PPAT: variants seen among roughly 807,000 people sequenced by gnomAD.
PPAT encodes amidophosphoribosyltransferase.
A neutral mutation model predicts 60.2 loss-of-function variants in PPAT; 20 were observed. That is an observed-to-expected ratio of 0.33 (90% confidence interval 0.23 to 0.48). The LOEUF is 0.48. Among genes scored for constraint, PPAT ranks in the 20% least tolerant of loss-of-function variants. The pLI, the probability that PPAT is intolerant of heterozygous loss-of-function variation, is 0.99. For missense variants in PPAT, 349 were observed against 629.6 expected, an observed-to-expected ratio of 0.55 and a Z score of 4.77; for synonymous variants, 194 against 215.1, an observed-to-expected ratio of 0.90 and a Z score of 0.86.
chr4:56,432,457 C>T (rs1358790138), intron 1 of PPAT, among the ~76,000 whole-genome samples: 3 of 143,420 alleles, frequency 2.1e-5, no homozygotes, highest in Non-Finnish European at 3.0e-5. Context: ...ACTTGGGAAA[C>T]GGAGGTTGCA....
chr4:56,429,537 G>C (rs1265166635), intron 1 of PPAT, among the ~76,000 whole-genome samples: 1 of 152,082 alleles, frequency 6.6e-6, no homozygotes, highest in African/African-American at 2.4e-5. Context: ...ATGCACATAA[G>C]ACTAATAAGA....
At chr4:56,429,836 A>T (rs1424262017) in intron 1 of PPAT, among the ~76,000 whole-genome samples, 1 of 152,190 alleles carries the variant, frequency 6.6e-6, no homozygotes, top group Non-Finnish European at 1.5e-5. Context: ...TTCTATCACC[A>T]TAGATTAGTT....
chr4:56,435,606 C>T lies in PPAT; in HGVS notation c.-129G>A, dbSNP rs1407892937. 2.0e-6 allele frequency: 3 copies of T among 1,523,406 alleles called. No homozygotes were observed. In the African/African-American group the frequency reaches 4.1e-5, roughly 21 times the overall value. The allele number at this position is 1,523,406 out of a possible 1,614,324, so 94.4% of individuals were successfully genotyped here. The stretch of plus-strand genomic sequence containing the variant: ...CAGGCTCTTCCTTCCCGAGGGTGGC[C>T]CCAGCTACTGCGGCGGCGCGCGCTG... On this transcript the variant is annotated 5_prime_UTR_variant, in exon 1 of 11. Coordinates refer to ENST00000264220, the MANE Select transcript of PPAT (RefSeq NM_002703.5).
At chr4:56,417,131 G>A (rs1040278031) in intron 1 of PPAT, among the ~76,000 whole-genome samples, 5 of 152,176 alleles carry the variant, frequency 3.3e-5, no homozygotes, top group Non-Finnish European at 7.3e-5. Flanking sequence ...TTACAGGCGT[G>A]AGCCACTGCA....
intron 8 of PPAT, 127 bp downstream of exon 8, chr4:56,400,657 A>C (rs1217863811): frequency 3.7e-6 from 4 of 1,075,214 alleles, no homozygotes; most frequent in Non-Finnish European, 3.8e-6. Flanking sequence ...GCTTGTAAAC[A>C]AACCAACATT....
intron 5 of PPAT, 74 bp from the exon 6 acceptor site, chr4:56,402,255 C>T (rs1716130619): frequency 7.4e-6 from 8 of 1,080,490 alleles, no homozygotes; most frequent in African/African-American, 1.6e-5. Flanking sequence ...ACAGCTAACA[C>T]TAAATAAATA....
chr4:56,433,972 G>A (rs925359378), intron 1 of PPAT, among the ~76,000 whole-genome samples: 2 of 152,156 alleles, frequency 1.3e-5, no homozygotes, highest in East Asian at 3.9e-4. Context: ...TTACAGGCGT[G>A]AGCCACCGCG....
intron 7 of PPAT, 47 bp downstream of exon 7, chr4:56,401,283 T>C (rs370363236): frequency 1.6e-5 from 24 of 1,495,824 alleles, no homozygotes; most frequent in East Asian, 1.4e-4. Context: ...TTCAAGGAGA[T>C]AGCTAAAACA....
chr4:56,435,566 A>C lies in PPAT; in HGVS notation c.-89T>G. 2 of 1,597,360 alleles carry C rather than the reference A, an allele frequency of 1.3e-6. No homozygotes were observed. The highest frequency in any genetic ancestry group is 1.7e-6 in the Non-Finnish European group (2 of 1,170,542). ...GCCAGCTCGGCCCGTCGAGCTCAGAAGCTCGCGCTCGCGACAGGCTCTTCC... is the reference window on the plus strand; with the variant it reads ...GCCAGCTCGGCCCGTCGAGCTCAGACGCTCGCGCTCGCGACAGGCTCTTCC... On this transcript the variant is annotated 5_prime_UTR_variant, in exon 1 of 11. Transcript: ENST00000264220.
At chr4:56,409,241 G>A (rs1367729430) in intron 1 of PPAT, among the ~76,000 whole-genome samples, 1 of 152,160 alleles carries the variant, frequency 6.6e-6, no homozygotes, top group African/African-American at 2.4e-5. Context: ...CACACAGACA[G>A]CAGGTGGTAG....
intron 1 of PPAT, among the ~76,000 whole-genome samples, chr4:56,434,626 G>C (rs919389270): frequency 1.3e-5 from 2 of 152,170 alleles, no homozygotes; most frequent in African/African-American, 2.4e-5. Flanking sequence ...CCCTTTTGAA[G>C]AAGGGAGTTA....
At chr4:56,433,998 T>G (rs549952238) in intron 1 of PPAT, among the ~76,000 whole-genome samples, 1 of 152,200 alleles carries the variant, frequency 6.6e-6, no homozygotes, top group Non-Finnish European at 1.5e-5. Flanking sequence ...CCATAGTTTC[T>G]AAGAATGTTA....
Position 56,435,579 on chromosome 4 carries a change from G to A in PPAT, c.-102C>T, listed in dbSNP as rs1440834715. Reference sequence around the variant, plus strand: ...GTCGAGCTCAGAAGCTCGCGCTCGCGACAGGCTCTTCCTTCCCGAGGGTGG... The same window carrying A: ...GTCGAGCTCAGAAGCTCGCGCTCGCAACAGGCTCTTCCTTCCCGAGGGTGG... On this transcript the variant is annotated 5_prime_UTR_variant, in exon 1 of 11. Coordinates refer to ENST00000264220, the MANE Select transcript of PPAT (RefSeq NM_002703.5). 1.0e-5 allele frequency: 16 copies of A among 1,581,890 alleles called. No homozygotes were observed. Among genetic ancestry groups the A allele is most frequent in the African/African-American group, 5.4e-5 (4 of 74,318 alleles).
chr4:56,399,477 G>C, intron 8 of PPAT, 77 bp from the exon 9 acceptor site: 5 of 1,073,326 alleles, frequency 4.7e-6, no homozygotes, highest in Non-Finnish European at 6.6e-6. Flanking sequence ...TTGTGTTGCC[G>C]CCACAATATT....
At position 56,399,326 on chromosome 4, in the gene PPAT, C is replaced by G; in HGVS notation, c.1089G>C (p.Arg363Ser). The G allele has an allele frequency of 1.2e-6, 2 of 1,613,938 alleles. No individual in the cohort carries two copies. The highest frequency in any genetic ancestry group is 2.2e-5 in the South Asian group (2 of 91,080). Residue 363 changes from arginine to serine, a missense_variant, in exon 9 of 11, where the codon AGG (arginine) becomes AGC (serine). Physicochemically the swap from Arg to Ser is moderately radical, Grantham distance 110 (BLOSUM62 -1). Around this residue, in one of 5 missense-constraint regions of PPAT, gnomAD observed 167 missense variants for 328.6 expected, o/e 0.51. Transcript: ENST00000264220. ...VGRTFIQPNMRLRQLGVAKKF... is the reference protein window; with the variant it reads ...VGRTFIQPNMSLRQLGVAKKF... ...TTTTTGCAACACCAAGTTGTCTTAA[C>G]CTCATGTTTGGCTGAATGAAGGTTC...
At chr4:56,415,472 C>T (rs1350756509) in intron 1 of PPAT, among the ~76,000 whole-genome samples, 2 of 152,154 alleles carry the variant, frequency 1.3e-5, no homozygotes, top group East Asian at 3.9e-4. Flanking sequence ...TATATAAAAG[C>T]ATCCAAACCA....
chr4:56,432,189 A>T (rs1022503186), intron 1 of PPAT, among the ~76,000 whole-genome samples: 1 of 152,170 alleles, frequency 6.6e-6, no homozygotes, highest in Non-Finnish European at 1.5e-5. Flanking sequence ...GACCAAATAC[A>T]AAACAAAAGT....
chr4:56,414,744 C>T (rs1243447734), intron 1 of PPAT, among the ~76,000 whole-genome samples: 1 of 152,062 alleles, frequency 6.6e-6, no homozygotes, highest in East Asian at 1.9e-4. Context: ...GAATAGAAAC[C>T]CTGCCTTTAT....
In PPAT at chr4:56,408,511, C is replaced by CT. The variant is rs201206153; in HGVS notation, c.129-796dup. On this transcript the variant is annotated intron_variant, in intron 1 of 10. Transcript: ENST00000264220. ...AGTGATGAGCTTTGTTAAAGATTAA[C>CT]TCCTAGGTGGAGGCGGGTGGACCAC... Among the ~76,000 whole-genome samples the CT allele has an allele frequency of 1.7e-4, 25 of 148,094 alleles. No individual in the cohort carries two copies. In the East Asian group the frequency reaches 5.0e-3, roughly 30 times the overall value.
Sources: gnomAD v4.1 joint callset for allele counts (sites outside exome capture counted in the v4.1 genomes callset) on GRCh38, gnomAD v4.1.1 for gene constraint, gnomAD v4.1.1 regional missense constraint, MANE v1.5 for transcripts, NCBI Gene and HGNC (gene_info 2026-07-23, HGNC 2026-07-21) for gene names.